Variants in WAPL observed in about 807,000 individuals in gnomAD.
WAPL encodes the protein wings apart-like protein homolog.
A neutral mutation model predicts 121.0 loss-of-function variants in WAPL; 5 were observed. That is an observed-to-expected ratio of 0.04 (90% confidence interval 0.02 to 0.09). The LOEUF is 0.09. Ranked by LOEUF, WAPL falls within the 10% of genes least tolerant of loss-of-function variation. The pLI, the probability that WAPL is intolerant of heterozygous loss-of-function variation, is 1.00. For missense variants in WAPL, 999 were observed against 1,410.8 expected, an observed-to-expected ratio of 0.71 and a Z score of 4.68; for synonymous variants, 480 against 481.5, an observed-to-expected ratio of 1.00 and a Z score of 0.04.
chr10:86,500,729 A>G lies in WAPL; in HGVS notation c.514T>C (p.Phe172Leu). The G allele has an allele frequency of 6.4e-7, 1 of 1,562,386 alleles. No homozygotes were observed. The change falls in exon 3 of 19, where the codon TTT becomes CTT. Residue 172 changes from phenylalanine (F) to leucine (L), a missense_variant. By Grantham distance (22) the Phe-to-Leu change is conservative. Transcript: ENST00000298767. ...CTATTCTTTTCATGTTCTTCATGAA[A>G]ATTCTCCACTTTATCTGTAAAAATA... ...KLITSDKVEN[F>L]HEEHEKNSHH...
chr10:86,491,157 T>A (rs1471546636), intron 4 of WAPL, among the ~76,000 whole-genome samples: 15 of 85,294 alleles, frequency 1.8e-4, no homozygotes, highest in African/African-American at 5.9e-4. Flanking sequence ...TTTTTTTTTT[T>A]AAGACGGAGT....
At chr10:86,443,655 C>T in intron 16 of WAPL, 1 of 328,586 alleles carries the variant, frequency 3.0e-6, no homozygotes, top group Non-Finnish European at 5.6e-6. Context: ...AAATCATGAA[C>T]TTGATAAGGG....
chr10:86,495,920 G>A (rs999652442), intron 4 of WAPL, among the ~76,000 whole-genome samples: 1 of 152,126 alleles, frequency 6.6e-6, no homozygotes, highest in Non-Finnish European at 1.5e-5. Flanking sequence ...TTAGGGACCA[G>A]CCTGACAAAC....
chr10:86,516,524 G>A (rs778722354), intron 2 of WAPL, among the ~76,000 whole-genome samples: 9 of 151,956 alleles, frequency 5.9e-5, no homozygotes, highest in Non-Finnish European at 1.2e-4. Context: ...TTGCCAAGAC[G>A]TCAAGAACTA....
At chr10:86,505,995 G>A (rs1842341905) in intron 2 of WAPL, among the ~76,000 whole-genome samples, 1 of 152,154 alleles carries the variant, frequency 6.6e-6, no homozygotes, top group Admixed American at 6.5e-5. Flanking sequence ...ACTGGTTCAT[G>A]ACAGTAATAC....
chr10:86,504,475 G>T (rs1474046707), intron 2 of WAPL, among the ~76,000 whole-genome samples: 11 of 147,488 alleles, frequency 7.5e-5, no homozygotes, highest in Non-Finnish European at 1.5e-4. Flanking sequence ...AGGAGATCGA[G>T]ACCAGACTAG....
chr10:86,461,904 C>A (rs992209720), intron 9 of WAPL, among the ~76,000 whole-genome samples: 3 of 152,152 alleles, frequency 2.0e-5, no homozygotes, highest in Non-Finnish European at 4.4e-5. Flanking sequence ...TTTGTCTATT[C>A]TGCATACAAA....
chr10:86,460,499 A>G lies in WAPL; in HGVS notation c.2483-3T>C, dbSNP rs1841243902. 1 of 1,607,458 alleles carries G rather than the reference A, an allele frequency of 6.2e-7. No individual in the cohort carries two copies. ...TAAATGATCCACACATTCTTTTACT[A>G]GGTGAAAAGAAACAAACGTAAGTTA... On this transcript the variant is annotated splice_region_variant and splice_polypyrimidine_tract_variant and intron_variant, in intron 10 of 18. Coordinates refer to ENST00000298767, the MANE Select transcript of WAPL (RefSeq NM_015045.5).
intron 2 of WAPL, among the ~76,000 whole-genome samples, chr10:86,513,745 A>G (rs2132232977): frequency 6.6e-6 from 1 of 152,356 alleles, no homozygotes; most frequent in East Asian, 1.9e-4. Context: ...CAAATGACAT[A>G]ATAATTCTGA....
chr10:86,464,282 C>CTATT (rs1164392227), intron 9 of WAPL, among the ~76,000 whole-genome samples: 2 of 152,136 alleles, frequency 1.3e-5, no homozygotes, highest in Non-Finnish European at 1.5e-5. Flanking sequence ...TATGAGTAAA[C>CTATT]TATTTAATAG....
chr10:86,477,652 A>G (rs1209766313), intron 4 of WAPL, among the ~76,000 whole-genome samples: 1 of 152,072 alleles, frequency 6.6e-6, no homozygotes, highest in East Asian at 1.9e-4. Context: ...AATACAAAAA[A>G]TTAGCCAGGT....
intron 14 of WAPL, among the ~76,000 whole-genome samples, chr10:86,452,574 AGAGT>A (rs1841010817): frequency 1.3e-5 from 2 of 152,168 alleles, no homozygotes; most frequent in African/African-American, 4.8e-5. Context: ...CCTGGGCAAG[AGAGT>A]GAGTGAGACT....
chr10:86,513,329 A>T (rs932041074), intron 2 of WAPL, among the ~76,000 whole-genome samples: 19 of 151,966 alleles, frequency 1.3e-4, no homozygotes, highest in African/African-American at 3.9e-4. Context: ...AGTGAAACAC[A>T]ATTTATTTAT....
intron 16 of WAPL, among the ~76,000 whole-genome samples, chr10:86,445,723 G>C (rs1849600423): frequency 6.6e-6 from 1 of 151,876 alleles, no homozygotes; most frequent in Admixed American, 6.6e-5. Flanking sequence ...ATGGGGTCTT[G>C]CTAGATTGTT....
intron 4 of WAPL, among the ~76,000 whole-genome samples, chr10:86,490,140 G>A (rs1842014215): frequency 6.6e-6 from 1 of 151,924 alleles, no homozygotes; most frequent in African/African-American, 2.4e-5. Flanking sequence ...CTTGTACCTA[G>A]GAGGCAGAGG....
chr10:86,521,525 T>C lies in WAPL; in HGVS notation c.-183A>G, dbSNP rs771957078. 30 of 364,830 alleles carry C rather than the reference T, an allele frequency of 8.2e-5. No individual in the cohort carries two copies. The highest frequency in any genetic ancestry group is 5.8e-4 in the South Asian group (28 of 47,930). The allele number at this position is 364,830 out of a possible 1,614,324, so 22.6% of individuals were successfully genotyped here. On this transcript the variant is annotated 5_prime_UTR_variant, in exon 1 of 19. Coordinates refer to ENST00000298767, the MANE Select transcript of WAPL (RefSeq NM_015045.5). ...GCTTTCGGTAAATAGGAAGCCCGGT[T>C]GGGGGGGCAGGAGCGGCGGCCCCGC...
chr10:86,459,347 G>C (rs72846941), intron 11 of WAPL, among the ~76,000 whole-genome samples: 1 of 152,192 alleles, frequency 6.6e-6, no homozygotes. Context: ...TGTCAGAATA[G>C]AGCAGTCCTC....
intron 2 of WAPL, among the ~76,000 whole-genome samples, chr10:86,503,130 C>G (rs749495968): frequency 2.0e-5 from 3 of 152,084 alleles, no homozygotes; most frequent in Admixed American, 6.6e-5. Context: ...TGTACTCCAA[C>G]CTGGGCAAAA....
At chr10:86,446,536 AATCT>A in intron 15 of WAPL, 87 bp from the exon 16 acceptor site, 7 of 1,320,268 alleles carry the variant, frequency 5.3e-6, no homozygotes, top group Non-Finnish European at 7.2e-6. Context: ...GTTGCTTTTA[AATCT>A]ATCACTAACT....
Sources: gnomAD v4.1 joint callset for allele counts (sites outside exome capture counted in the v4.1 genomes callset) on GRCh38, gnomAD v4.1.1 for gene constraint, MANE v1.5 for transcripts, NCBI Gene and HGNC (gene_info 2026-07-23, HGNC 2026-07-21) for gene names.